The following RPF2 variants were observed in gnomAD, a reference collection of about 807,000 sequenced individuals.
RPF2 encodes the protein ribosome production factor 2 homolog, also known as brix domain containing 1.
RPF2 carries 21 observed loss-of-function variants against 38.9 expected under a neutral mutation model. The ratio of observed to expected loss-of-function variants is 0.54; its 90% CI spans 0.38 to 0.78. RPF2 has a LOEUF of 0.78. RPF2 is among the 30% of genes least tolerant of loss of function. The pLI is 0.00. For missense variants in RPF2, 314 were observed against 358.1 expected (o/e 0.88, Z 0.99); for synonymous variants, 121 against 126.2 (o/e 0.96, Z 0.28).
At chr6:110,994,730 T>TACACAC (rs1483788093) in intron 4 of RPF2, among the ~76,000 whole-genome samples, 1 of 97,248 alleles carries the variant, frequency 1.0e-5, no homozygotes, top group Non-Finnish European at 2.0e-5. Context: ...GGGATGAGTA[T>TACACAC]ATATACACAC....
At chr6:110,986,005 A>G (rs1211517174) in intron 2 of RPF2, among the ~76,000 whole-genome samples, 1 of 152,060 alleles carries the variant, frequency 6.6e-6, no homozygotes, top group African/African-American at 2.4e-5. Context: ...ATAACACTGC[A>G]GCTTCATTTT....
intron 7 of RPF2, among the ~76,000 whole-genome samples, chr6:111,009,913 A>G (rs139651787): frequency 3.5e-4 from 53 of 152,006 alleles, no homozygotes; most frequent in African/African-American, 1.2e-3. Flanking sequence ...GGCTTAAGCA[A>G]TCCTCCCACT....
chr6:110,982,119 G>C lies in RPF2; in HGVS notation c.13G>C (p.Asp5His). 6.2e-7 allele frequency: 1 copy of C among 1,614,228 alleles called. No homozygotes were observed. Among genetic ancestry groups the C allele is most frequent in the Non-Finnish European group, 8.5e-7 (1 of 1,180,022 alleles). The change falls in exon 1 of 10, where the codon GAT becomes CAT. Residue 5 changes from aspartate to histidine, a missense_variant. By Grantham distance (81) the Asp-to-His change is moderately conservative (BLOSUM62 -1). Transcript: ENST00000441448. ...GGTAGCGGTAGCGATGGACACTCTG[G>C]ATCGAGTAGTGTAAGTGCGCTGGGT... MDTLDRVVKPKTKRA... is the reference protein window; with the variant it reads MDTLHRVVKPKTKRA...
At chr6:111,011,660 C>G (rs1462089491) in intron 7 of RPF2, among the ~76,000 whole-genome samples, 1 of 152,118 alleles carries the variant, frequency 6.6e-6, no homozygotes, top group African/African-American at 2.4e-5. Context: ...CTCCATTGAC[C>G]TAGATTTTCT....
intron 7 of RPF2, among the ~76,000 whole-genome samples, chr6:111,012,828 C>T (rs1772043345): frequency 6.6e-6 from 1 of 152,080 alleles, no homozygotes; most frequent in Non-Finnish European, 1.5e-5. Context: ...CACCACCATG[C>T]CTGGATAATT....
chr6:111,003,664 T>C (rs1221372957), intron 6 of RPF2, among the ~76,000 whole-genome samples: 1 of 151,966 alleles, frequency 6.6e-6, no homozygotes, highest in African/African-American at 2.4e-5. Context: ...TCTACAAAAT[T>C]TTTTTTTAAA....
chr6:110,987,983 C>A (rs752427549), intron 2 of RPF2, among the ~76,000 whole-genome samples: 5 of 151,968 alleles, frequency 3.3e-5, no homozygotes, highest in Non-Finnish European at 7.4e-5. Context: ...GAGACCCCAT[C>A]TCTATAAATT....
At chr6:111,018,933 A>C (rs1241647581) in intron 8 of RPF2, among the ~76,000 whole-genome samples, 1 of 152,200 alleles carries the variant, frequency 6.6e-6, no homozygotes, top group Admixed American at 6.5e-5. Flanking sequence ...AAAAGTACTC[A>C]GGACGGACAT....
intron 2 of RPF2, among the ~76,000 whole-genome samples, chr6:110,988,809 G>C (rs1324777374): frequency 1.3e-5 from 2 of 152,152 alleles, no homozygotes; most frequent in African/African-American, 4.8e-5. Context: ...ATAGACTATT[G>C]ACAGGGCATA....
chr6:110,984,858 A>AAAAG lies in RPF2; in HGVS notation c.24-148_24-147insAAAG. 5 of 919,580 alleles carry AAAAG rather than the reference A, an allele frequency of 5.4e-6. No homozygotes were observed. In the South Asian group the frequency reaches 9.0e-5, roughly 17 times the overall value. The allele number at this position is 919,580 out of a possible 1,614,324, so 57.0% of individuals were successfully genotyped here. The stretch of plus-strand genomic sequence containing the variant: ...CCATCTCAAAAACAAACAAAAAAAA[A>AAAAG]CAAACAAAAAAAAGAAAGTGAGATT... On this transcript the variant is annotated intron_variant, in intron 1 of 9. Coordinates refer to ENST00000441448, the MANE Select transcript of RPF2 (RefSeq NM_032194.3).
chr6:111,000,373 A>T (rs986988240), intron 6 of RPF2, among the ~76,000 whole-genome samples: 5 of 152,148 alleles, frequency 3.3e-5, no homozygotes, highest in Admixed American at 3.3e-4. Context: ...AAGCACCTGT[A>T]GGTCTATAGT....
rs1255827655 is a variant in RPF2, at chr6:111,028,114, CTAT to C, written c.*2537_*2539del. 2.0e-5 allele frequency: 3 copies of C among 151,424 alleles called. No individual in the cohort carries two copies. Among genetic ancestry groups the C allele is most frequent in the East Asian group, 3.9e-4 (2 of 5,166 alleles). 9.4% of individuals were successfully genotyped at this position (151,424 alleles called of 1,614,324 possible). A position where few individuals can be genotyped will look rare whatever the true frequency, so the allele number is the denominator to read the frequency against. ...CTGGAATATTAATACTATTACCAAGCTATTATTTCATGGAATTTGGGTTTCTTT... is the reference window on the plus strand; with the variant it reads ...CTGGAATATTAATACTATTACCAAGCTATTTCATGGAATTTGGGTTTCTTT... On this transcript the variant is annotated 3_prime_UTR_variant, in exon 10 of 10. Coordinates refer to ENST00000441448, the MANE Select transcript of RPF2 (RefSeq NM_032194.3).
intron 6 of RPF2, among the ~76,000 whole-genome samples, chr6:111,002,295 A>AAATAAT (rs201093841): frequency 0.011 from 1,675 of 152,242 alleles, 30 homozygotes; most frequent in African/African-American, 0.038. Flanking sequence ...ATAAAAATAA[A>AAATAAT]AAAGTAAACT....
At chr6:110,999,594 G>C in intron 5 of RPF2, 117 bp from the exon 6 acceptor site, 1 of 645,002 alleles carries the variant, frequency 1.6e-6, no homozygotes, top group Non-Finnish European at 2.9e-6. Context: ...TGTTTGCGGG[G>C]GTATAGGGAG....
chr6:111,004,508 T>G (rs1423770823), intron 6 of RPF2, among the ~76,000 whole-genome samples: 1 of 151,238 alleles, frequency 6.6e-6, no homozygotes, highest in African/African-American at 2.4e-5. Flanking sequence ...AAAAATGGAA[T>G]AGAGTAAAAA....
At chr6:111,003,088 CCT>C (rs34238172) in intron 6 of RPF2, among the ~76,000 whole-genome samples, 1 of 143,350 alleles carries the variant, frequency 7.0e-6, no homozygotes, top group Non-Finnish European at 1.5e-5. Context: ...TACCCCCCCC[CCT>C]TTTTTTTTCT....
intron 6 of RPF2, among the ~76,000 whole-genome samples, chr6:111,003,008 C>G (rs926422142): frequency 6.6e-6 from 1 of 152,020 alleles, no homozygotes; most frequent in Non-Finnish European, 1.5e-5. Flanking sequence ...GTGATCCACC[C>G]GCCTCAGCCT....
chr6:111,022,511 A>G (rs1372653214), intron 8 of RPF2, among the ~76,000 whole-genome samples: 13 of 152,224 alleles, frequency 8.5e-5, no homozygotes, highest in Admixed American at 8.5e-4. Flanking sequence ...ACAGAAAAGT[A>G]TGACATTGTA....
chr6:111,019,917 C>CTTTT (rs763096502), intron 8 of RPF2, among the ~76,000 whole-genome samples: 6,202 of 148,636 alleles, frequency 0.042, 168 homozygotes, highest in Middle Eastern at 0.057. Flanking sequence ...TCTTTTCTTT[C>CTTTT]TTTTGTTTTT....
Sources: gnomAD v4.1 joint callset for allele counts (sites outside exome capture counted in the v4.1 genomes callset) on GRCh38, gnomAD v4.1.1 for gene constraint, MANE v1.5 for transcripts, NCBI Gene and HGNC (gene_info 2026-07-23, HGNC 2026-07-21) for gene names.